ZNF804A: variants seen among roughly 807,000 people sequenced by gnomAD.
ZNF804A encodes zinc finger protein 804A.
In ZNF804A, 2 loss-of-function variants were observed where a neutral mutation model predicts 16.5. That is an observed-to-expected ratio of 0.12 (90% CI 0.05 to 0.38). The LOEUF is 0.38. ZNF804A is among the 10% of genes least tolerant of loss of function. The pLI is 0.99. For missense variants in ZNF804A, 1,473 were observed against 1,390.7 expected (o/e 1.06, Z -0.94); for synonymous variants, 534 against 489.6 (o/e 1.09, Z -1.20).
At chr2:184,694,107 C>G (rs1010002778) in intron 1 of ZNF804A, among the ~76,000 whole-genome samples, 7 of 142,156 alleles carry the variant, frequency 4.9e-5, no homozygotes, top group African/African-American at 1.8e-4. Context: ...TTTATTTTTA[C>G]TTTTTTTTTT....
intron 1 of ZNF804A, among the ~76,000 whole-genome samples, chr2:184,696,431 G>T (rs1692832006): frequency 6.6e-6 from 1 of 152,074 alleles, no homozygotes; most frequent in African/African-American, 2.4e-5. Context: ...AAAGATTCTG[G>T]CTTATTATTG....
intron 1 of ZNF804A, among the ~76,000 whole-genome samples, chr2:184,645,656 A>G (rs1691858603): frequency 6.6e-6 from 1 of 152,236 alleles, no homozygotes; most frequent in Non-Finnish European, 1.5e-5. Context: ...ATCATTTAAT[A>G]AAACATTTTA....
At chr2:184,926,446 C>T (rs1685614405) in intron 2 of ZNF804A, among the ~76,000 whole-genome samples, 1 of 151,874 alleles carries the variant, frequency 6.6e-6, no homozygotes, top group African/African-American at 2.4e-5. Context: ...TTTCCTTGAT[C>T]TTTGGGAGTT....
rs146201788 is a variant in ZNF804A, at chr2:184,853,092, T to C, written c.112-13277T>C. On this transcript the variant is annotated intron_variant, in intron 1 of 3. Transcript: ENST00000302277. ...TCCATGAACACAGAATATCTTTCCA[T>C]TTATTTATGTCATTCAATTTCTTTC... 1.1e-4 allele frequency among the ~76,000 whole-genome samples: 16 copies of C among 151,984 alleles called. No homozygotes were observed. In the East Asian group the frequency reaches 2.5e-3, roughly 24 times the overall value.
At chr2:184,896,955 T>A (rs977827498) in intron 2 of ZNF804A, among the ~76,000 whole-genome samples, 1 of 152,130 alleles carries the variant, frequency 6.6e-6, no homozygotes, top group Non-Finnish European at 1.5e-5. Context: ...TAATCTCACT[T>A]AACTTCTACT....
At chr2:184,723,051 G>A (rs547410029) in intron 1 of ZNF804A, among the ~76,000 whole-genome samples, 3 of 151,968 alleles carry the variant, frequency 2.0e-5, no homozygotes, top group Admixed American at 6.6e-5. Flanking sequence ...CTTAGTTTTA[G>A]TATGGATTTT....
At chr2:184,687,152 G>C (rs1168404612) in intron 1 of ZNF804A, among the ~76,000 whole-genome samples, 1 of 152,148 alleles carries the variant, frequency 6.6e-6, no homozygotes, top group African/African-American at 2.4e-5. Context: ...CTTATAGCTT[G>C]AGTTGCTACA....
intron 2 of ZNF804A, among the ~76,000 whole-genome samples, chr2:184,925,960 A>G (rs955777630): frequency 1.3e-5 from 2 of 151,782 alleles, no homozygotes; most frequent in African/African-American, 4.8e-5. Flanking sequence ...TATCTTATGT[A>G]TATCTTTAAA....
At chr2:184,816,170 T>C (rs182339368) in intron 1 of ZNF804A, among the ~76,000 whole-genome samples, 10 of 152,122 alleles carry the variant, frequency 6.6e-5, no homozygotes, top group Admixed American at 2.0e-4. Flanking sequence ...TTTATTAGCT[T>C]AAACCAAGAA....
chr2:184,895,552 G>A (rs149720653), intron 2 of ZNF804A, among the ~76,000 whole-genome samples: 170 of 152,280 alleles, frequency 1.1e-3, no homozygotes, highest in African/African-American at 3.4e-3. Context: ...GTCATTCAAA[G>A]AGAATTGTGC....
intron 1 of ZNF804A, among the ~76,000 whole-genome samples, chr2:184,839,005 C>T (rs1694614845): frequency 6.6e-6 from 1 of 151,974 alleles, no homozygotes; most frequent in East Asian, 1.9e-4. Flanking sequence ...ATTACCTTTC[C>T]CAATGTCCAG....
chr2:184,874,465 G>C (rs552028123), intron 2 of ZNF804A, among the ~76,000 whole-genome samples: 1 of 151,988 alleles, frequency 6.6e-6, no homozygotes, highest in African/African-American at 2.4e-5. Context: ...CCCTATTACA[G>C]ATATAGAAGC....
intron 1 of ZNF804A, among the ~76,000 whole-genome samples, chr2:184,657,951 A>G (rs1692108568): frequency 6.6e-6 from 1 of 152,232 alleles, no homozygotes; most frequent in Non-Finnish European, 1.5e-5. Flanking sequence ...TAGTCACTAG[A>G]AAAATTACTT....
intron 1 of ZNF804A, among the ~76,000 whole-genome samples, chr2:184,734,340 C>T (rs915091175): frequency 6.6e-6 from 1 of 152,126 alleles, no homozygotes; most frequent in African/African-American, 2.4e-5. Context: ...GTTTTTGCTA[C>T]ATCCTACAAA....
intron 1 of ZNF804A, among the ~76,000 whole-genome samples, chr2:184,649,214 A>C (rs1032500370): frequency 6.6e-6 from 1 of 152,144 alleles, no homozygotes; most frequent in Admixed American, 6.6e-5. Context: ...CAGAATTTTT[A>C]AAAAAATCTT....
intron 2 of ZNF804A, among the ~76,000 whole-genome samples, chr2:184,904,617 A>G (rs1047852760): frequency 2.0e-4 from 30 of 152,090 alleles, no homozygotes; most frequent in Non-Finnish European, 4.1e-4. Context: ...ATCTTCTAAT[A>G]CTGTATAACT....
intron 1 of ZNF804A, among the ~76,000 whole-genome samples, chr2:184,602,100 T>C (rs1021225813): frequency 8.6e-5 from 13 of 151,914 alleles, no homozygotes; most frequent in Non-Finnish European, 1.8e-4. Context: ...TATAGTCCCT[T>C]CTATAGGTCA....
At chr2:184,833,783 T>C (rs1482848288) in intron 1 of ZNF804A, among the ~76,000 whole-genome samples, 1 of 152,038 alleles carries the variant, frequency 6.6e-6, no homozygotes, top group Non-Finnish European at 1.5e-5. Context: ...AAAGTGATAG[T>C]TATCCCTCCC....
chr2:184,789,172 A>C (rs1574213183), intron 1 of ZNF804A, among the ~76,000 whole-genome samples: 1 of 151,994 alleles, frequency 6.6e-6, no homozygotes, highest in Non-Finnish European at 1.5e-5. Flanking sequence ...ACATCTTTGC[A>C]TTCCTGGAAT....
Sources: allele counts gnomAD v4.1 joint callset (sites outside exome capture counted in the v4.1 genomes callset), GRCh38; gene constraint gnomAD v4.1.1; transcripts MANE v1.5; gene names NCBI Gene and HGNC (gene_info 2026-07-23, HGNC 2026-07-21).